Variants in ARFIP1 observed in about 807,000 individuals in gnomAD.
ARFIP1 encodes ARF interacting protein 1, also known as arfaptin-1.
ARFIP1 carries 24 observed loss-of-function variants against 42.5 expected under a neutral mutation model. The observed-to-expected ratio is 0.57, with a 90% confidence interval of 0.41 to 0.80. The LOEUF is 0.80. Ranked by LOEUF, ARFIP1 falls within the 30% of genes least tolerant of loss-of-function variation. ARFIP1 has a pLI of 0.00. For synonymous variants in ARFIP1, 141 were observed against 153.7 expected (o/e 0.92, Z 0.61); for missense variants, 354 against 434.0 (o/e 0.82, Z 1.64).
chr4:152,798,824 T>C (rs1354479749), intron 1 of ARFIP1, among the ~76,000 whole-genome samples: 1 of 152,244 alleles, frequency 6.6e-6, no homozygotes, highest in Non-Finnish European at 1.5e-5. Flanking sequence ...TCTTCATATG[T>C]AGTTGGTAAC....
chr4:152,788,137 G>T (rs573914148), intron 1 of ARFIP1, among the ~76,000 whole-genome samples: 1 of 152,272 alleles, frequency 6.6e-6, no homozygotes, highest in African/African-American at 2.4e-5. Context: ...GGAGGTTGAG[G>T]TGGAAGATCG....
At chr4:152,872,699 TTGAAAA>T (rs1203390823) in intron 5 of ARFIP1, 135 bp downstream of exon 5, 1 of 508,070 alleles carries the variant, frequency 2.0e-6, no homozygotes, top group East Asian at 3.5e-5. Context: ...GAAATACAGT[TTGAAAA>T]TGAAGTATTT....
chr4:152,833,183 A>T (rs116703051), intron 2 of ARFIP1, among the ~76,000 whole-genome samples: 2,117 of 152,212 alleles, frequency 0.014, 54 homozygotes, highest in African/African-American at 0.048. Flanking sequence ...AAGAACTCAT[A>T]CAAGTCAATA....
At chr4:152,824,953 T>C (rs768095914) in intron 1 of ARFIP1, among the ~76,000 whole-genome samples, 11 of 151,128 alleles carry the variant, frequency 7.3e-5, no homozygotes, top group Non-Finnish European at 1.6e-4. Flanking sequence ...GATATATATA[T>C]ACACACACGC....
intron 7 of ARFIP1, among the ~76,000 whole-genome samples, chr4:152,885,394 C>CA (rs2149895036): frequency 6.6e-6 from 1 of 152,138 alleles, no homozygotes; most frequent in South Asian, 2.1e-4. Context: ...AACACTTCTC[C>CA]ACAGCAGCAC....
At chr4:152,790,728 CTT>C (rs781615063) in intron 1 of ARFIP1, among the ~76,000 whole-genome samples, 6 of 106,058 alleles carry the variant, frequency 5.7e-5, no homozygotes, top group Admixed American at 9.5e-5. Context: ...ATGTGTTTAT[CTT>C]TTTTTTTTTT....
intron 5 of ARFIP1, among the ~76,000 whole-genome samples, chr4:152,876,721 G>A (rs1478602634): frequency 6.6e-6 from 1 of 152,226 alleles, no homozygotes; most frequent in African/African-American, 2.4e-5. Context: ...TCCATCACAG[G>A]CCTGGAGGCC....
intron 3 of ARFIP1, among the ~76,000 whole-genome samples, chr4:152,869,552 C>G (rs1175872388): frequency 6.6e-6 from 1 of 151,742 alleles, no homozygotes; most frequent in Non-Finnish European, 1.5e-5. Flanking sequence ...TGGGCTCAAG[C>G]AGTCCGTCTA....
At chr4:152,816,830 A>C (rs561668266) in intron 1 of ARFIP1, among the ~76,000 whole-genome samples, 1 of 152,246 alleles carries the variant, frequency 6.6e-6, no homozygotes, top group Non-Finnish European at 1.5e-5. Flanking sequence ...TCTAGAATAT[A>C]TGACTCTTTT....
chr4:152,850,592 A>T (rs1434590470), intron 2 of ARFIP1: 1 of 152,220 alleles, frequency 6.6e-6, no homozygotes, highest in Non-Finnish European at 1.5e-5. Flanking sequence ...GATCGCCTGC[A>T]TCAGAATCAC....
At chr4:152,819,977 G>A (rs1205774959) in intron 1 of ARFIP1, among the ~76,000 whole-genome samples, 2 of 152,098 alleles carry the variant, frequency 1.3e-5, no homozygotes, top group Admixed American at 6.5e-5. Context: ...ATGAGAGGTG[G>A]AGTCACAACT....
intron 2 of ARFIP1, among the ~76,000 whole-genome samples, chr4:152,853,905 C>CTTTTTTTTTTTT (rs36055484): frequency 2.7e-5 from 2 of 74,738 alleles, no homozygotes; most frequent in Admixed American, 1.7e-4. Flanking sequence ...TTCTGAGATT[C>CTTTTTTTTTTTT]TTTTTTTTTT....
intron 1 of ARFIP1, among the ~76,000 whole-genome samples, chr4:152,800,985 G>T (rs1728374977): frequency 1.3e-5 from 2 of 152,076 alleles, no homozygotes; most frequent in African/African-American, 4.8e-5. Context: ...AATACGTATG[G>T]AGAAGAGTAA....
chr4:152,880,880 A>G (rs576572614), intron 5 of ARFIP1, 83 bp from the exon 6 acceptor site: 2 of 1,107,468 alleles, frequency 1.8e-6, no homozygotes, highest in Admixed American at 2.2e-5. Flanking sequence ...TTTGAATCCA[A>G]AAAATGGTGT....
In ARFIP1 at chr4:152,789,698, T is replaced by C. The variant is rs571328927; in HGVS notation, c.-10+9472T>C. 3.3e-5 allele frequency among the ~76,000 whole-genome samples: 5 copies of C among 152,326 alleles called. No individual in the cohort carries two copies. The East Asian group carries it at 9.6e-4, about 29-fold the overall frequency. ...TGACTCATGGATATTTATTTTATAC[T>C]TAAGGGTAAATCCAGTAGTACTTTA... On this transcript the variant is annotated intron_variant, in intron 1 of 8. Coordinates refer to ENST00000353617, the MANE Select transcript of ARFIP1 (RefSeq NM_001025595.3).
intron 2 of ARFIP1, among the ~76,000 whole-genome samples, chr4:152,857,120 C>T (rs1055188543): frequency 1.2e-4 from 18 of 152,162 alleles, no homozygotes; most frequent in Non-Finnish European, 2.5e-4. Flanking sequence ...CTTTTTGACT[C>T]TCTAAGTGTT....
intron 2 of ARFIP1, among the ~76,000 whole-genome samples, chr4:152,833,361 T>A (rs1459923728): frequency 6.6e-6 from 1 of 152,182 alleles, no homozygotes; most frequent in Admixed American, 6.5e-5. Flanking sequence ...CCTATTAGGA[T>A]GACTATTATC....
chr4:152,781,946 T>A (rs1180857524), intron 1 of ARFIP1, among the ~76,000 whole-genome samples: 2 of 152,220 alleles, frequency 1.3e-5, no homozygotes, highest in Admixed American at 1.3e-4. Context: ...GGGGAAAGTG[T>A]CCATTGTTTT....
At chr4:152,863,838 A>C (rs1334282700) in intron 3 of ARFIP1, 124 bp downstream of exon 3, 3 of 573,982 alleles carry the variant, frequency 5.2e-6, no homozygotes, top group Non-Finnish European at 9.2e-6. Flanking sequence ...CATTGATTAT[A>C]AATGTATTCC....
Sources: gnomAD v4.1 joint callset for allele counts (sites outside exome capture counted in the v4.1 genomes callset) on GRCh38, gnomAD v4.1.1 for gene constraint, MANE v1.5 for transcripts, NCBI Gene and HGNC (gene_info 2026-07-23, HGNC 2026-07-21) for gene names.